The following ZER1 variants were observed in gnomAD, a reference collection of about 807,000 sequenced individuals.
The protein encoded by ZER1 is protein zer-1 homolog.
In ZER1, 11 loss-of-function variants were observed where a neutral mutation model predicts 78.8. The observed-to-expected ratio is 0.14, with a 90% CI of 0.09 to 0.23. ZER1 has a LOEUF of 0.23. ZER1 is among the 10% of genes least tolerant of loss of function. The pLI is 1.00. For missense variants in ZER1, 588 were observed against 996.9 expected, an observed-to-expected ratio of 0.59 and a Z score of 5.52; for synonymous variants, 400 against 407.0, an observed-to-expected ratio of 0.98 and a Z score of 0.21.
In ZER1 at chr9:128,753,824, C is replaced by T; in HGVS notation, c.294G>A (p.Glu98=). ...CAGGTCTCACCTGCTTGCGGATGGCCTCCAGGTCCTGGTCCTGCACCAGGT... is the reference window on the plus strand; with the variant it reads ...CAGGTCTCACCTGCTTGCGGATGGCTTCCAGGTCCTGGTCCTGCACCAGGT... ...REDLVQDQDL[E]AIRKQDLVEL... The change falls in exon 3 of 16, where the codon GAG becomes GAA. Residue 98 remains glutamate (E), a synonymous_variant. Transcript: ENST00000291900. This position sits in a 1 kb window ranked among gnomAD's most constrained non-coding sequence, Gnocchi z 7.5. 2.5e-6 allele frequency: 4 copies of T among 1,596,808 alleles called. No homozygotes were observed. Among genetic ancestry groups the T allele is most frequent in the Non-Finnish European group, 3.4e-6 (4 of 1,172,552 alleles).
rs3831329 is a variant in ZER1 at position 128,753,034 on chromosome 9, CTG to C, written c.746+128_746+129del. The stretch of plus-strand genomic sequence containing the variant: ...GAAACACTGGGTTTAAGGAATGGGA[CTG>C]TGTCTTCATCCCCACCCTCTGCCTA... On this transcript the variant is annotated intron_variant, in intron 4 of 15. Coordinates refer to ENST00000291900, the MANE Select transcript of ZER1 (RefSeq NM_006336.4). The surrounding 1 kb of genome is among the most constrained non-coding windows in gnomAD (Gnocchi z 7.5). 3.0e-3 allele frequency: 3,623 copies of C among 1,203,806 alleles called. 73 individuals are homozygous for C. The East Asian group carries it at 0.05, about 17-fold the overall frequency. The allele number at this position is 1,203,806 out of a possible 1,614,324, so 74.6% of individuals were successfully genotyped here.
chr9:128,742,739 G>A lies in ZER1; in HGVS notation c.1366C>T (p.Arg456Trp), dbSNP rs1167076133. 1.2e-6 allele frequency: 2 copies of A among 1,607,240 alleles called. No homozygotes were observed. The highest frequency in any genetic ancestry group is 8.5e-7 in the Non-Finnish European group (1 of 1,177,202). The stretch of plus-strand genomic sequence containing the variant: ...TTGCAGAGCGTCAGGCAGCAGTTCC[G>A]CTGCACCTGGGCCGGGACAGGACAC... ...MESYQEVTVQ[R>W]NCCLTLCNFS... Residue 456 changes from arginine (R) to tryptophan (W), a missense_variant, in exon 9 of 16, where the codon CGG becomes TGG. Around this residue, in one of 3 missense-constraint regions of ZER1, gnomAD observed 406 missense variants for 660.1 expected, o/e 0.62. Transcript: ENST00000291900.
chr9:128,733,489 A>G lies in ZER1; in HGVS notation c.2180T>C (p.Met727Thr). Residue 727 changes from methionine (M) to threonine (T), a missense_variant, in exon 15 of 16, where the codon ATG (methionine) becomes ACG (threonine). Physicochemically the swap from Met to Thr is moderately conservative, Grantham distance 81. Coordinates refer to ENST00000291900, the MANE Select transcript of ZER1 (RefSeq NM_006336.4). ...CTTAATTATGTCCCTCAGAAGGGGC[A>G]TCCCCCCTTCTTTGATCAGCAGAGG... ...YCPLLIKEGG[M>T]PLLRDIIKMA... The G allele has an allele frequency of 6.2e-7, 1 of 1,613,736 alleles. No homozygotes were observed. The highest frequency in any genetic ancestry group is 8.5e-7 in the Non-Finnish European group (1 of 1,179,952).
chr9:128,737,448 T>C (rs1014096957), intron 13 of ZER1, among the ~76,000 whole-genome samples: 6 of 152,194 alleles, frequency 3.9e-5, no homozygotes, highest in African/African-American at 1.4e-4. Flanking sequence ...TGTCAGCCTG[T>C]TCCTCCCAGT....
In ZER1 at chr9:128,740,339, G is replaced by A. The variant is rs1047343829; in HGVS notation, c.1854-220C>T. ...TCACGCCTGTAATCCCAGCACTTTG[G>A]GAGGTCAAGGCAGGTGGATCACGAG... On this transcript the variant is annotated intron_variant, in intron 12 of 15. Transcript: ENST00000291900. This position sits in a 1 kb window ranked among gnomAD's most constrained non-coding sequence, Gnocchi z 4.4. Among the ~76,000 whole-genome samples the A allele has an allele frequency of 6.6e-6, 1 of 152,200 alleles. No homozygotes were observed. The highest frequency in any genetic ancestry group is 2.4e-5 in the African/African-American group (1 of 41,452).
At chr9:128,741,498 A>C (rs780878869) in intron 11 of ZER1, 37 bp downstream of exon 11, 2 of 1,613,862 alleles carry the variant, frequency 1.2e-6, no homozygotes, top group Non-Finnish European at 1.7e-6. Context: ...CCATGTGGGC[A>C]GCTGAGGCAG....
intron 1 of ZER1, among the ~76,000 whole-genome samples, chr9:128,757,340 G>A (rs1328341503): frequency 3.3e-5 from 5 of 152,068 alleles, no homozygotes; most frequent in South Asian, 2.1e-4. Context: ...GCAACATGGC[G>A]AAACCCTGTC....
In ZER1 at chr9:128,740,064, C is replaced by T. The variant is rs780231279; in HGVS notation, c.1909G>A (p.Val637Ile). The change falls in exon 13 of 16, where the codon GTC (valine) becomes ATC (isoleucine). Residue 637 changes from valine (V) to isoleucine (I), a missense_variant. Physicochemically the swap from Val to Ile is conservative, Grantham distance 29. Transcript: ENST00000291900. The surrounding 1 kb of genome is among the most constrained non-coding windows in gnomAD (Gnocchi z 4.4). ...GIEVSYNACG[V>I]LSHIMFDGPE... Reference sequence around the variant, plus strand: ...CCATCAAACATGATGTGGGAGAGGACGCCGCAGGCATTGTAGGAAACCTCG... The same window carrying T: ...CCATCAAACATGATGTGGGAGAGGATGCCGCAGGCATTGTAGGAAACCTCG... The T allele has an allele frequency of 6.2e-6, 10 of 1,613,758 alleles. 1 individual carries two copies. Among genetic ancestry groups the T allele is most frequent in the South Asian group, 1.1e-5 (1 of 91,060 alleles).
chr9:128,750,453 G>T (rs1233047068), intron 8 of ZER1, among the ~76,000 whole-genome samples, 163 bp downstream of exon 8: 1 of 152,166 alleles, frequency 6.6e-6, no homozygotes, highest in Non-Finnish European at 1.5e-5. Context: ...CAGGAGTGAT[G>T]GACTGTGGGA....
In ZER1 at chr9:128,753,275, C is replaced by T. The variant is rs1863745044; in HGVS notation, c.635G>A (p.Ser212Asn). 2 of 1,606,744 alleles carry T rather than the reference C, an allele frequency of 1.2e-6. No individual in the cohort carries two copies. The highest frequency in any genetic ancestry group is 1.7e-6 in the Non-Finnish European group (2 of 1,176,664). The change falls in exon 4 of 16, where the codon AGC becomes AAC. Residue 212 changes from serine (S) to asparagine (N), a missense_variant. Ser to Asn is a conservative substitution (Grantham distance 46, BLOSUM62 1). This residue lies in a region of ZER1 where 406 missense variants were observed against 660.1 expected (regional missense o/e 0.62). Transcript: ENST00000291900. This position sits in a 1 kb window ranked among gnomAD's most constrained non-coding sequence, Gnocchi z 7.5. ...CCACTGGGTGAGGAAGGCGGCGTCG[C>T]TCGTCTGAATGCCTGAGAGGTCCAA... ...AALDLSGIQT[S>N]DAAFLTQWKD...
Position 128,741,697 on chromosome 9 carries a change from G to A in ZER1, c.1618-43C>T, listed in dbSNP as rs369217228. 38 of 1,613,926 alleles carry A rather than the reference G, an allele frequency of 2.4e-5. No individual in the cohort carries two copies. In the South Asian group the frequency reaches 2.9e-4, roughly 12 times the overall value. On this transcript the variant is annotated intron_variant, in intron 10 of 15. Transcript: ENST00000291900. Reference sequence around the variant, plus strand: ...GGCTCAGCCAAGGCTCCTGGTACCCGGGGAGGGGGGCCCCTGACAAAACAC... The same window carrying A: ...GGCTCAGCCAAGGCTCCTGGTACCCAGGGAGGGGGGCCCCTGACAAAACAC...
chr9:128,745,649 G>T (rs1033883408), intron 8 of ZER1, among the ~76,000 whole-genome samples: 1 of 151,798 alleles, frequency 6.6e-6, no homozygotes, highest in Non-Finnish European at 1.5e-5. Context: ...GAGCCACCTT[G>T]CCTGGCCTTT....
In ZER1 at chr9:128,740,949, T is replaced by G. The variant is rs1010850303; in HGVS notation, c.1738-62A>C. The G allele has an allele frequency of 1.3e-6, 1 of 758,578 alleles. No homozygotes were observed. Among genetic ancestry groups the G allele is most frequent in the Admixed American group, 1.8e-5 (1 of 54,980 alleles). The allele number at this position is 758,578 out of a possible 1,614,324, so 47.0% of individuals were successfully genotyped here. ...TACTTAATGACTTAGTATCTGGTAT[T>G]GTTAACCAAAAAGCTTCATGGGCAT... On this transcript the variant is annotated intron_variant, in intron 11 of 15. Coordinates refer to ENST00000291900, the MANE Select transcript of ZER1 (RefSeq NM_006336.4). The surrounding 1 kb of genome is among the most constrained non-coding windows in gnomAD (Gnocchi z 4.4).
At chr9:128,766,135 G>A (rs1290864492) in intron 1 of ZER1, among the ~76,000 whole-genome samples, 1 of 152,144 alleles carries the variant, frequency 6.6e-6, no homozygotes, top group East Asian at 1.9e-4. Flanking sequence ...CGGATCACGA[G>A]GTGAAGAGAT....
intron 13 of ZER1, among the ~76,000 whole-genome samples, chr9:128,739,040 CG>C (rs906676501): frequency 6.6e-6 from 1 of 150,706 alleles, no homozygotes; most frequent in African/African-American, 2.4e-5. Flanking sequence ...TTAGTAGGGA[CG>C]GGGTTTCACC....
At chr9:128,766,806 A>T (rs1864222573) in intron 1 of ZER1, among the ~76,000 whole-genome samples, 1 of 122,256 alleles carries the variant, frequency 8.2e-6, no homozygotes, top group African/African-American at 3.1e-5. Flanking sequence ...AGATTGCACC[A>T]CTGCACTCCT....
intron 8 of ZER1, among the ~76,000 whole-genome samples, chr9:128,744,893 T>C (rs952212536): frequency 2.0e-5 from 3 of 152,170 alleles, no homozygotes; most frequent in African/African-American, 7.2e-5. Flanking sequence ...GACACCCCAA[T>C]TTTTTCATCC....
chr9:128,757,601 G>A (rs1434199658), intron 1 of ZER1, among the ~76,000 whole-genome samples: 3 of 151,956 alleles, frequency 2.0e-5, no homozygotes, highest in Admixed American at 1.3e-4. Context: ...CATGTGAAAA[G>A]CACTCAGCTT....
chr9:128,741,320 A>C (rs559180802), intron 11 of ZER1, among the ~76,000 whole-genome samples: 117 of 152,234 alleles, frequency 7.7e-4, no homozygotes, highest in African/African-American at 2.4e-3. Context: ...TTTCCCTGGG[A>C]GTGGGGGCTC....
Sources: gnomAD v4.1 joint callset for allele counts (sites outside exome capture counted in the v4.1 genomes callset) on GRCh38, gnomAD v4.1.1 for gene constraint, gnomAD v4.1.1 regional missense constraint, Gnocchi (gnomAD v3.1) non-coding constraint, MANE v1.5 for transcripts, NCBI Gene and HGNC (gene_info 2026-07-23, HGNC 2026-07-21) for gene names.